RP1: variants seen among roughly 807,000 people sequenced by gnomAD.
RP1 encodes the protein oxygen-regulated protein 1.
Under a neutral mutation model 14.8 loss-of-function variants are expected in RP1, and 16 were observed. The observed-to-expected ratio is 1.08, with a 90% CI of 0.73 to 1.65. The LOEUF (loss-of-function observed/expected upper bound fraction) is 1.65, where lower values mean the gene tolerates loss of function less well. Ranked by LOEUF, RP1 falls within the 40% of genes most tolerant of loss-of-function variation. The pLI, the probability that RP1 is intolerant of heterozygous loss-of-function variation, is 0.00. For missense variants in RP1, 2,631 were observed against 2,535.0 expected (o/e 1.04, Z -0.81); for synonymous variants, 876 against 883.6 (o/e 0.99, Z 0.15).
intron 24 of RP1, among the ~76,000 whole-genome samples, chr8:54,801,372 C>A (rs545030169): frequency 6.6e-6 from 1 of 152,170 alleles, no homozygotes; most frequent in Non-Finnish European, 1.5e-5. Context: ...ACAAGTATTC[C>A]CGCTTCTCCT....
At chr8:54,601,644 A>G (rs1480593185) in intron 1 of RP1, among the ~76,000 whole-genome samples, 3 of 152,134 alleles carry the variant, frequency 2.0e-5, no homozygotes, top group Admixed American at 2.0e-4. Context: ...GACTTGCACA[A>G]GAATGTTCAT....
chr8:54,848,673 T>C (rs1196191283), intron 25 of RP1, among the ~76,000 whole-genome samples: 1 of 152,214 alleles, frequency 6.6e-6, no homozygotes, highest in Non-Finnish European at 1.5e-5. Context: ...TGAAGACTTA[T>C]AATGAACATA....
chr8:54,852,820 G>A (rs1812086865), intron 26 of RP1: 1 of 940,880 alleles, frequency 1.1e-6, no homozygotes, highest in African/African-American at 1.7e-5. Flanking sequence ...TTTCTGAGAT[G>A]CTCAGTTGAT....
intron 7 of RP1, among the ~76,000 whole-genome samples, chr8:54,664,437 G>C (rs953787209): frequency 2.0e-5 from 3 of 152,052 alleles, no homozygotes; most frequent in African/African-American, 4.8e-5. Flanking sequence ...GGGATCATAT[G>C]GTAGTTTGTT....
chr8:54,628,469 TA>T lies in RP1; in HGVS notation c.4589del (p.Lys1530ArgfsTer9). On this transcript the variant is annotated frameshift_variant, in exon 4 of 4. Coordinates refer to ENST00000220676, the MANE Select transcript of RP1 (RefSeq NM_006269.2). LOFTEE classifies it low-confidence loss of function (END_TRUNC). ...ACGGTATAATTTATGAAATAATCAG[TA>T]AGAGGCTGGCAACACCACCATCTTT... ...MNGIIYEIIS[K>X]RLATPPSLDF... is the part of the protein sequence containing the mutation. The T allele has an allele frequency of 6.2e-7, 1 of 1,613,456 alleles. No individual in the cohort carries two copies. The highest frequency in any genetic ancestry group is 8.5e-7 in the Non-Finnish European group (1 of 1,179,688).
chr8:54,859,313 G>A (rs542284104), intron 27 of RP1, among the ~76,000 whole-genome samples: 1 of 148,936 alleles, frequency 6.7e-6, no homozygotes, highest in Non-Finnish European at 1.5e-5. Flanking sequence ...CTTTGGATCA[G>A]TGTCACTATA....
intron 27 of RP1, among the ~76,000 whole-genome samples, chr8:54,859,334 C>T (rs1812284512): frequency 1.1e-5 from 1 of 93,528 alleles, no homozygotes; most frequent in Admixed American, 1.0e-4. Context: ...GGTGGTGTCA[C>T]TGTAGGGTGG....
chr8:54,656,693 CT>C, intron 6 of RP1, among the ~76,000 whole-genome samples: 1 of 150,880 alleles, frequency 6.6e-6, no homozygotes, highest in East Asian at 1.9e-4. Context: ...ATAATAGGCT[CT>C]TGTTCTACTC....
intron 24 of RP1, among the ~76,000 whole-genome samples, chr8:54,810,498 G>A (rs1377711669): frequency 3.3e-5 from 5 of 152,112 alleles, no homozygotes; most frequent in Admixed American, 6.5e-5. Flanking sequence ...CTTCATAGGC[G>A]TGATGTCTCT....
intron 1 of RP1, among the ~76,000 whole-genome samples, chr8:54,600,118 G>A (rs1805240492): frequency 6.6e-6 from 1 of 152,136 alleles, no homozygotes; most frequent in Admixed American, 6.5e-5. Flanking sequence ...TTGTAGGAGG[G>A]AACTGGTGGG....
intron 3 of RP1, among the ~76,000 whole-genome samples, chr8:54,638,129 G>T (rs780191368): frequency 6.6e-5 from 10 of 152,130 alleles, no homozygotes; most frequent in African/African-American, 2.4e-4. Flanking sequence ...TTTAGGTGGA[G>T]AAAATTCTCT....
At chr8:54,786,676 G>A (rs535354073) in intron 24 of RP1, among the ~76,000 whole-genome samples, 1 of 151,766 alleles carries the variant, frequency 6.6e-6, no homozygotes, top group Non-Finnish European at 1.5e-5. Context: ...TTTTTTTATT[G>A]CTTTTGTGGA....
chr8:54,772,325 C>T (rs1380704595), downstream of RP1, among the ~76,000 whole-genome samples: 1 of 151,748 alleles, frequency 6.6e-6, no homozygotes, highest in African/African-American at 2.4e-5. Flanking sequence ...CATAATAAAC[C>T]CCCTCACTAA....
chr8:54,767,184 T>C (rs961696448), intron 22 of RP1, among the ~76,000 whole-genome samples: 1 of 152,186 alleles, frequency 6.6e-6, no homozygotes, highest in Non-Finnish European at 1.5e-5. Context: ...AATACATTTA[T>C]GTATGTTTAA....
In RP1 at chr8:54,629,423, A is replaced by C; in HGVS notation, c.5541A>C (p.Ile1847=). 6.2e-7 allele frequency: 1 copy of C among 1,614,196 alleles called. No individual in the cohort carries two copies. Among genetic ancestry groups the C allele is most frequent in the Non-Finnish European group, 8.5e-7 (1 of 1,180,008 alleles). ...VRNETCAKER[I]ANHHTEEKGS... ...ATGAAACCTGTGCCAAGGAAAGAAT[A>C]GCAAATCATCATACAGAGGAGAAGG... Residue 1847 remains isoleucine, a synonymous_variant, in exon 4 of 4, where the codon ATA becomes ATC. Coordinates refer to ENST00000220676, the MANE Select transcript of RP1 (RefSeq NM_006269.2).
intron 24 of RP1, among the ~76,000 whole-genome samples, chr8:54,800,905 G>A (rs1810689727): frequency 6.6e-6 from 1 of 152,186 alleles, no homozygotes; most frequent in Non-Finnish European, 1.5e-5. Context: ...CTTCTCCCAA[G>A]CCTTGTAGGT....
rs775480115 is a variant in RP1, at chr8:54,792,425, C to T, written c.3615+8715C>T. ...AGAATACATACTATTCTCAAGGGCA[C>T]GTAAAATATCCAGGATAGATCATAT... is the stretch of plus-strand genomic sequence containing the variant. On this transcript the variant is annotated intron_variant, in intron 24 of 28. Coordinates refer to the RP1 transcript ENST00000637698. Among the ~76,000 whole-genome samples, 142 of 151,572 alleles carry T rather than the reference C, an allele frequency of 9.4e-4. 2 individuals are homozygous for T. Among genetic ancestry groups the T allele is most frequent in the Non-Finnish European group, 2.7e-4 (18 of 67,728 alleles).
chr8:54,818,275 A>G (rs908901347), intron 24 of RP1, among the ~76,000 whole-genome samples: 26 of 152,242 alleles, frequency 1.7e-4, no homozygotes, highest in Admixed American at 6.5e-4. Flanking sequence ...CAATTTCCTC[A>G]ACTGTGAAAT....
intron 12 of RP1, among the ~76,000 whole-genome samples, chr8:54,692,062 T>C (rs199811243): frequency 6.6e-6 from 1 of 151,584 alleles, no homozygotes; most frequent in African/African-American, 2.4e-5. Context: ...TGAGAACATG[T>C]GGTGTTTGGT....
Sources: allele counts gnomAD v4.1 joint callset (sites outside exome capture counted in the v4.1 genomes callset), GRCh38; gene constraint gnomAD v4.1.1; transcripts MANE v1.5; gene names NCBI Gene and HGNC (gene_info 2026-07-23, HGNC 2026-07-21).